MVK: variants seen among roughly 807,000 people sequenced by gnomAD.
The protein encoded by MVK is mevalonate kinase.
MVK carries 34 observed loss-of-function variants against 43.2 expected under a neutral mutation model. The ratio of observed to expected loss-of-function variants is 0.79; its 90% CI spans 0.60 to 1.05. The LOEUF (loss-of-function observed/expected upper bound fraction) is 1.05. Ranked by LOEUF, MVK falls within the 50% of genes least tolerant of loss-of-function variation. The pLI is 0.00. For synonymous variants in MVK, 190 were observed against 219.8 expected (o/e 0.86, Z 1.20); for missense variants, 395 against 504.0 (o/e 0.78, Z 2.07).
chr12:109,576,081 C>T lies in MVK; in HGVS notation c.162C>T (p.Pro54=), dbSNP rs2136218809. ...HSNGKVDLSL[P]NIGIKRAWDV... ...ATGGGAAAGTGGACCTCAGCTTACC[C>T]AACATTGGTATCAAGCGGGCCTGGG... The change falls in exon 3 of 11, where the codon CCC becomes CCT. Residue 54 remains proline, a synonymous_variant. Transcript: ENST00000228510. The T allele has an allele frequency of 6.2e-7, 1 of 1,614,164 alleles. No individual in the cohort carries two copies. The highest frequency in any genetic ancestry group is 8.5e-7 in the Non-Finnish European group (1 of 1,180,026).
chr12:109,580,761 C>A (rs1451247893), intron 4 of MVK, among the ~76,000 whole-genome samples: 3 of 152,198 alleles, frequency 2.0e-5, no homozygotes, highest in Non-Finnish European at 4.4e-5. Flanking sequence ...GGGGGAAATA[C>A]ATGTAAGATG....
rs772042724 is a variant in MVK at position 109,591,246 on chromosome 12, A to G, written c.774A>G (p.Pro258=). The G allele has an allele frequency of 3.1e-6, 5 of 1,613,496 alleles. No homozygotes were observed. Among genetic ancestry groups the G allele is most frequent in the Non-Finnish European group, 4.2e-6 (5 of 1,179,470 alleles). ...AGVRNRLLKF[P]EIVAPLLTSI... is the part of the protein sequence containing the mutation. ...TTCCTTCTTTTTTTCTCCAGTTCCC[A>G]GAGATCGTGGCCCCCCTCCTGACCT... The change falls in exon 9 of 11, where the codon CCA becomes CCG. Residue 258 remains proline, a synonymous_variant. Transcript: ENST00000228510.
upstream of MVK, chr12:109,573,782 T>C: frequency 2.4e-6 from 1 of 424,174 alleles, no homozygotes; most frequent in South Asian, 2.2e-5. Flanking sequence ...CTCCTCCCCT[T>C]GAGGCACGGG....
chr12:109,573,314 G>T, upstream of MVK: 1 of 1,612,130 alleles, frequency 6.2e-7, no homozygotes, highest in Non-Finnish European at 8.5e-7. Context: ...TTCACGGCAG[G>T]TGTTCGAGTT....
At chr12:109,584,040 T>G (rs1885336594) in intron 5 of MVK, among the ~76,000 whole-genome samples, 2 of 152,180 alleles carry the variant, frequency 1.3e-5, no homozygotes, top group Admixed American at 1.3e-4. Context: ...GACCCAGCAG[T>G]GAGTAGCACT....
chr12:109,574,933 T>C, intron 2 of MVK, 33 bp downstream of exon 2: 1 of 1,580,406 alleles, frequency 6.3e-7, no homozygotes, highest in African/African-American at 1.3e-5. Context: ...AAGGATTGGG[T>C]ACCCCTTCTC....
chr12:109,581,204 T>A (rs1387918179), intron 4 of MVK, among the ~76,000 whole-genome samples, 191 bp from the exon 5 acceptor site: 1 of 152,194 alleles, frequency 6.6e-6, no homozygotes, highest in Non-Finnish European at 1.5e-5. Flanking sequence ...ACTTGATACC[T>A]GTTTTCTAGT....
chr12:109,573,542 C>A, upstream of MVK: 1 of 1,546,628 alleles, frequency 6.5e-7, no homozygotes, highest in Non-Finnish European at 8.7e-7. Context: ...CGGGGTGACT[C>A]CACCCACAGC....
At chr12:109,582,491 C>CTGTGTGTGTGCACTTGCA (rs1026744923) in intron 5 of MVK, among the ~76,000 whole-genome samples, 4 of 152,102 alleles carry the variant, frequency 2.6e-5, no homozygotes, top group African/African-American at 9.7e-5. Flanking sequence ...TGGAGGGTGA[C>CTGTGTGTGTGCACTTGCA]TGTGTGTGTG....
rs199839437 is a variant in MVK, at chr12:109,584,610, C to T, written c.528-1412C>T. ...CTCCAAAAAGGGCTCACTGGCTGGG[C>T]ACGGTGGCTCACGCCTGTAATCCCA... On this transcript the variant is annotated intron_variant, in intron 5 of 10. Transcript: ENST00000228510. 2.3e-4 allele frequency among the ~76,000 whole-genome samples: 35 copies of T among 152,298 alleles called. No individual in the cohort carries two copies. The East Asian group carries it at 4.8e-3, about 21-fold the overall frequency.
intron 2 of MVK, 31 bp downstream of exon 2, chr12:109,574,931 G>A: frequency 1.3e-6 from 2 of 1,583,684 alleles, no homozygotes; most frequent in Non-Finnish European, 8.6e-7. Flanking sequence ...TTAAGGATTG[G>A]GTACCCCTTC....
intron 5 of MVK, among the ~76,000 whole-genome samples, chr12:109,583,703 A>G (rs1453322831): frequency 6.6e-6 from 1 of 152,204 alleles, no homozygotes; most frequent in Non-Finnish European, 1.5e-5. Context: ...GAACTAGTTT[A>G]CAGTCCCACC....
At chr12:109,575,658 G>T (rs1406782229) in intron 2 of MVK, among the ~76,000 whole-genome samples, 2 of 152,058 alleles carry the variant, frequency 1.3e-5, no homozygotes, top group Non-Finnish European at 2.9e-5. Flanking sequence ...AAAGTGCTGG[G>T]ATTACAGATA....
chr12:109,590,919 G>A, intron 8 of MVK, 58 bp downstream of exon 8: 1 of 1,552,468 alleles, frequency 6.4e-7, no homozygotes, highest in South Asian at 1.1e-5. Flanking sequence ...AATTACATCT[G>A]GATTTTCGAG....
intron 5 of MVK, among the ~76,000 whole-genome samples, chr12:109,581,892 C>T (rs1173105858): frequency 6.6e-6 from 1 of 152,206 alleles, no homozygotes. Flanking sequence ...ACCCTCCCAC[C>T]TCTGCATTGA....
chr12:109,591,339 G>A lies in MVK; in HGVS notation c.867G>A (p.Glu289=). ...LGEMGEAPAP[E]QYLVLEELID... The stretch of plus-strand genomic sequence containing the variant: ...AGATGGGGGAAGCCCCAGCCCCGGA[G>A]CAGTACCTCGTGCTGGAAGTAAGAG... Residue 289 remains glutamate, a synonymous_variant, in exon 9 of 11, where the codon GAG becomes GAA. Transcript: ENST00000228510. The A allele has an allele frequency of 6.2e-7, 1 of 1,614,204 alleles. No homozygotes were observed. Among genetic ancestry groups the A allele is most frequent in the Non-Finnish European group, 8.5e-7 (1 of 1,180,044 alleles).
At chr12:109,573,451 A>G (rs757088429), upstream of MVK, 2 of 1,607,812 alleles carry the variant, frequency 1.2e-6, no homozygotes, top group Non-Finnish European at 1.7e-6. Flanking sequence ...TCCCCAGGCC[A>G]AGACGGCTCC....
chr12:109,578,364 T>A (rs965942754), intron 3 of MVK, among the ~76,000 whole-genome samples: 2 of 152,090 alleles, frequency 1.3e-5, no homozygotes, highest in African/African-American at 4.8e-5. Context: ...CCCGAGTAGC[T>A]GGGAATATAA....
chr12:109,591,217 G>A lies in MVK; in HGVS notation c.769-24G>A, dbSNP rs1284164394. On this transcript the variant is annotated intron_variant, in intron 8 of 10. Coordinates refer to ENST00000228510, the MANE Select transcript of MVK (RefSeq NM_000431.4). ...ATCTGCCTGCCCCCAGGCCTCACCA[G>A]CCGTTCCTTCTTTTTTTCTCCAGTT... 4 of 1,610,282 alleles carry A rather than the reference G, an allele frequency of 2.5e-6. No homozygotes were observed. The East Asian group carries it at 8.9e-5, about 36-fold the overall frequency.
Sources: allele counts gnomAD v4.1 joint callset (sites outside exome capture counted in the v4.1 genomes callset), GRCh38; gene constraint gnomAD v4.1.1; transcripts MANE v1.5; gene names NCBI Gene and HGNC (gene_info 2026-07-23, HGNC 2026-07-21).